Variants in PCDH15 observed in about 807,000 individuals in gnomAD.
PCDH15 encodes the protein protocadherin-15.
In PCDH15, 129 loss-of-function variants were observed where a neutral mutation model predicts 178.5. The observed-to-expected ratio is 0.72, with a 90% CI of 0.63 to 0.84. The LOEUF is 0.84. Ranked by LOEUF, PCDH15 falls within the 40% of genes least tolerant of loss-of-function variation. The probability of loss-of-function intolerance (pLI) is 0.00; values close to 1 mark genes in which losing one functional copy is unlikely to be tolerated. For synonymous variants in PCDH15, 800 were observed against 732.0 expected (o/e 1.09, Z -1.50); for missense variants, 2,230 against 2,099.9 (o/e 1.06, Z -1.21).
At chr10:54,998,099 T>C (rs919200312) in intron 2 of PCDH15, among the ~76,000 whole-genome samples, 1 of 152,138 alleles carries the variant, frequency 6.6e-6, no homozygotes, top group Non-Finnish European at 1.5e-5. Flanking sequence ...AAAGAAGATA[T>C]GTTCTTATTG....
chr10:53,865,900 A>AC (rs2079417762), intron 27 of PCDH15, among the ~76,000 whole-genome samples: 1 of 152,178 alleles, frequency 6.6e-6, no homozygotes, highest in African/African-American at 2.4e-5. Context: ...TAATGAATAT[A>AC]CTTTGTATTA....
chr10:53,900,480 C>T (rs1315545899), intron 26 of PCDH15, among the ~76,000 whole-genome samples: 1 of 152,072 alleles, frequency 6.6e-6, no homozygotes, highest in Non-Finnish European at 1.5e-5. Flanking sequence ...TATGTCCTCA[C>T]CCTGATGCTT....
At chr10:55,296,116 G>A (rs977924059) in intron 1 of PCDH15, among the ~76,000 whole-genome samples, 1 of 152,106 alleles carries the variant, frequency 6.6e-6, no homozygotes, top group Non-Finnish European at 1.5e-5. Context: ...TGATGCATGG[G>A]GCAAGGTGTG....
chr10:55,568,692 A>G (rs1402455041), intron 2 of PCDH15, among the ~76,000 whole-genome samples: 1 of 152,048 alleles, frequency 6.6e-6, no homozygotes, highest in Non-Finnish European at 1.5e-5. Context: ...AATATAGTTA[A>G]TTTAATGCCA....
chr10:54,468,311 CTT>C (rs2077666821), intron 3 of PCDH15, among the ~76,000 whole-genome samples: 1 of 151,486 alleles, frequency 6.6e-6, no homozygotes, highest in African/African-American at 2.4e-5. Flanking sequence ...AAACTTTCCT[CTT>C]AGTATTGTTT....
intron 11 of PCDH15, among the ~76,000 whole-genome samples, chr10:54,189,560 TATAA>T (rs778997458): frequency 6.6e-6 from 1 of 152,146 alleles, no homozygotes; most frequent in Non-Finnish European, 1.5e-5. Context: ...TTATGAAGCA[TATAA>T]ATACTTAACT....
chr10:54,872,287 C>T (rs1029942257), intron 3 of PCDH15, among the ~76,000 whole-genome samples: 6 of 151,812 alleles, frequency 4.0e-5, no homozygotes, highest in Admixed American at 6.6e-5. Context: ...GAAAAAGAGA[C>T]CTAGTCACCT....
At chr10:54,103,491 C>T (rs1426415771) in intron 15 of PCDH15, among the ~76,000 whole-genome samples, 1 of 152,118 alleles carries the variant, frequency 6.6e-6, no homozygotes, top group African/African-American at 2.4e-5. Flanking sequence ...CAGAGAAGAG[C>T]AATTATAGGG....
chr10:54,819,287 T>G (rs969161976), intron 3 of PCDH15, among the ~76,000 whole-genome samples: 1 of 152,080 alleles, frequency 6.6e-6, no homozygotes, highest in African/African-American at 2.4e-5. Context: ...TAATATTTAA[T>G]TAGTGTATCT....
chr10:54,662,291 A>G (rs1229597642), intron 2 of PCDH15, among the ~76,000 whole-genome samples: 1 of 152,002 alleles, frequency 6.6e-6, no homozygotes, highest in Non-Finnish European at 1.5e-5. Flanking sequence ...CAACAAACAT[A>G]TGAAAAAACA....
At chr10:54,830,907 T>A (rs1953214710) in intron 3 of PCDH15, among the ~76,000 whole-genome samples, 1 of 152,018 alleles carries the variant, frequency 6.6e-6, no homozygotes, top group South Asian at 2.1e-4. Context: ...CAACTTCTAG[T>A]ACCTCACAAA....
At chr10:53,955,002 A>C (rs983753381) in intron 23 of PCDH15, among the ~76,000 whole-genome samples, 2 of 152,224 alleles carry the variant, frequency 1.3e-5, no homozygotes, top group Non-Finnish European at 2.9e-5. Flanking sequence ...CTTCACCTAC[A>C]CCATTTCCCC....
intron 25 of PCDH15, among the ~76,000 whole-genome samples, chr10:53,909,215 C>A (rs1182867306): frequency 6.6e-6 from 1 of 152,138 alleles, no homozygotes; most frequent in Non-Finnish European, 1.5e-5. Context: ...TTTCCTGCTG[C>A]CTTGTGAAGA....
chr10:55,244,589 A>C (rs1183730634), intron 1 of PCDH15, among the ~76,000 whole-genome samples: 1 of 151,958 alleles, frequency 6.6e-6, no homozygotes, highest in Non-Finnish European at 1.5e-5. Context: ...ACACACACAC[A>C]CACAAACACA....
chr10:55,028,431 G>A (rs946238245), intron 2 of PCDH15, among the ~76,000 whole-genome samples: 3 of 151,788 alleles, frequency 2.0e-5, no homozygotes, highest in South Asian at 2.1e-4. Context: ...ATGACCTCAC[G>A]TGCACAAACA....
chr10:54,214,637 G>C (rs1023229446), intron 9 of PCDH15, among the ~76,000 whole-genome samples: 5 of 152,126 alleles, frequency 3.3e-5, no homozygotes, highest in African/African-American at 4.8e-5. Context: ...TGTCACCCAG[G>C]CTGGAGTGCA....
At chr10:54,348,768 T>G (rs1012127140) in intron 5 of PCDH15, among the ~76,000 whole-genome samples, 4 of 152,194 alleles carry the variant, frequency 2.6e-5, no homozygotes, top group Admixed American at 1.3e-4. Context: ...GTACAATAGA[T>G]TTATTGAATT....
At chr10:54,604,237 G>A (rs1014187287) in intron 2 of PCDH15, among the ~76,000 whole-genome samples, 9 of 151,934 alleles carry the variant, frequency 5.9e-5, no homozygotes, top group African/African-American at 1.9e-4. Context: ...TGCTTGAAAA[G>A]AATGTACAAT....
upstream of PCDH15, among the ~76,000 whole-genome samples, chr10:55,324,280 A>G (rs1021492981): frequency 4.6e-5 from 7 of 152,168 alleles, no homozygotes; most frequent in African/African-American, 1.7e-4. Flanking sequence ...TGTCCCAATT[A>G]AAAGTCACAG....
Sources: allele counts gnomAD v4.1 joint callset (sites outside exome capture counted in the v4.1 genomes callset), GRCh38; gene constraint gnomAD v4.1.1; transcripts MANE v1.5; gene names NCBI Gene and HGNC (gene_info 2026-07-23, HGNC 2026-07-21).